Variants in DDAH1 observed in about 807,000 individuals in gnomAD.
DDAH1 encodes N(G),N(G)-dimethylarginine dimethylaminohydrolase 1.
DDAH1 carries 19 observed loss-of-function variants against 28.8 expected under a neutral mutation model. The ratio of observed to expected loss-of-function variants is 0.66; its 90% CI spans 0.46 to 0.97. The LOEUF (loss-of-function observed/expected upper bound fraction) is 0.97, where lower values mean the gene tolerates loss of function less well. Among genes scored for constraint, DDAH1 ranks in the 50% least tolerant of loss-of-function variants. The pLI, the probability that DDAH1 is intolerant of heterozygous loss-of-function variation, is 0.00. For missense variants in DDAH1, 326 were observed against 375.9 expected (o/e 0.87, Z 1.10); for synonymous variants, 153 against 154.4 (o/e 0.99, Z 0.07).
intron 2 of DDAH1, among the ~76,000 whole-genome samples, chr1:85,471,170 C>A (rs1397752121): frequency 1.3e-5 from 2 of 152,218 alleles, no homozygotes; most frequent in Non-Finnish European, 2.9e-5. Context: ...CCTGCTTTTT[C>A]ATGGTTGTAG....
At chr1:85,463,626 A>C (rs1655222102) in intron 1 of DDAH1, among the ~76,000 whole-genome samples, 1 of 152,268 alleles carries the variant, frequency 6.6e-6, no homozygotes. Flanking sequence ...TTATTTTCTC[A>C]GACCATGTGG....
intron 4 of DDAH1, among the ~76,000 whole-genome samples, chr1:85,328,023 A>C (rs1280468028): frequency 6.6e-6 from 1 of 152,222 alleles, no homozygotes; most frequent in Non-Finnish European, 1.5e-5. Context: ...TGGGTAAACA[A>C]TTGAATTCCC....
At chr1:85,565,103 G>A (rs1322686293) in intron 1 of DDAH1, among the ~76,000 whole-genome samples, 1 of 151,786 alleles carries the variant, frequency 6.6e-6, no homozygotes, top group Admixed American at 6.6e-5. Context: ...TCAGGAGGCT[G>A]AGACAGGAGA....
At chr1:85,503,518 C>CATCTATCT (rs61426289) in intron 1 of DDAH1, among the ~76,000 whole-genome samples, 7,575 of 144,020 alleles carry the variant, frequency 0.053, 218 homozygotes, top group East Asian at 0.069. Context: ...CTTTAAAGTT[C>CATCTATCT]ATCTATCTAT....
intron 1 of DDAH1, among the ~76,000 whole-genome samples, chr1:85,536,559 A>G (rs1658285105): frequency 6.6e-6 from 1 of 152,134 alleles, no homozygotes; most frequent in Non-Finnish European, 1.5e-5. Context: ...CTCAAAACAA[A>G]CAAACAAAGC....
intron 1 of DDAH1, among the ~76,000 whole-genome samples, chr1:85,544,340 T>A (rs551583069): frequency 4.7e-4 from 71 of 152,268 alleles, no homozygotes; most frequent in African/African-American, 1.7e-3. Flanking sequence ...CTTTCCAGGG[T>A]TTCCAAATTC....
intron 1 of DDAH1, among the ~76,000 whole-genome samples, chr1:85,397,402 A>G (rs1651862577): frequency 6.6e-6 from 1 of 152,240 alleles, no homozygotes; most frequent in Admixed American, 6.5e-5. Context: ...GAAACTATCA[A>G]CTAAGATCAA....
chr1:85,327,774 T>G (rs1009915670), intron 4 of DDAH1, among the ~76,000 whole-genome samples: 1 of 151,968 alleles, frequency 6.6e-6, no homozygotes, highest in African/African-American at 2.4e-5. Context: ...GAAGATTATT[T>G]AAAAAAAACC....
chr1:85,354,830 A>G (rs1649408788), intron 2 of DDAH1, among the ~76,000 whole-genome samples: 1 of 151,980 alleles, frequency 6.6e-6, no homozygotes, highest in Non-Finnish European at 1.5e-5. Context: ...AAAAGCTTAC[A>G]TTAGAGAAGA....
At chr1:85,447,111 GC>G (rs1223763540) in intron 1 of DDAH1, among the ~76,000 whole-genome samples, 1 of 152,200 alleles carries the variant, frequency 6.6e-6, no homozygotes, top group Admixed American at 6.5e-5. Flanking sequence ...GAGGAGGTCA[GC>G]TACACAGGAG....
intron 1 of DDAH1, among the ~76,000 whole-genome samples, chr1:85,443,098 G>A (rs1224802216): frequency 6.6e-6 from 1 of 152,138 alleles, no homozygotes; most frequent in African/African-American, 2.4e-5. Context: ...TGAAGTCCTT[G>A]CCTATGCCTA....
At position 85,465,132 on chromosome 1, in the gene DDAH1, T is replaced by G. The variant is rs1172779751; in HGVS notation, c.-87A>C. The G allele has an allele frequency of 2.6e-6, 3 of 1,169,240 alleles. No individual in the cohort carries two copies. The highest frequency in any genetic ancestry group is 3.2e-6 in the Non-Finnish European group (3 of 948,762). 72.4% of individuals were successfully genotyped at this position (1,169,240 alleles called of 1,614,324 possible). On this transcript the variant is annotated 5_prime_UTR_variant, in exon 1 of 6. Transcript: ENST00000284031. ...CGCGCGCTGAGCCTGCGAGCGCCCG[T>G]CGGCTCCTCTTGGCAGCCGCTGAAT... is the stretch of plus-strand genomic sequence containing the variant.
chr1:85,374,506 A>G (rs1650552115), intron 1 of DDAH1, among the ~76,000 whole-genome samples: 1 of 152,006 alleles, frequency 6.6e-6, no homozygotes, highest in Non-Finnish European at 1.5e-5. Context: ...TTTAAAGCCC[A>G]CTCTCCCTGG....
intron 1 of DDAH1, among the ~76,000 whole-genome samples, chr1:85,383,480 G>A (rs183883354): frequency 7.8e-4 from 119 of 152,336 alleles, no homozygotes; most frequent in East Asian, 3.5e-3. Flanking sequence ...TGAAGATGCT[G>A]TGAAACATTG....
At chr1:85,468,356 A>C (rs1315379362), upstream of DDAH1, among the ~76,000 whole-genome samples, 2 of 152,208 alleles carry the variant, frequency 1.3e-5, no homozygotes, top group Admixed American at 6.5e-5. Flanking sequence ...TCATGCTGTT[A>C]ATAAAGACAC....
rs560176683 is a variant in DDAH1 at position 85,457,028 on chromosome 1, A to G, written c.303+7715T>C. Among the ~76,000 whole-genome samples, 7 of 152,318 alleles carry G rather than the reference A, an allele frequency of 4.6e-5. No homozygotes were observed. The South Asian group carries it at 1.0e-3, about 23-fold the overall frequency. ...CAGACCATTATGGAGCATGTGGATA[A>G]GAGTAAGAGGGAAGTACACTTAGAA... is the stretch of plus-strand genomic sequence containing the variant. On this transcript the variant is annotated intron_variant, in intron 1 of 5. Transcript: ENST00000284031.
chr1:85,541,863 G>C (rs1162741044), intron 1 of DDAH1, among the ~76,000 whole-genome samples: 1 of 152,160 alleles, frequency 6.6e-6, no homozygotes, highest in African/African-American at 2.4e-5. Context: ...CTATGAACCA[G>C]GAAGCAGGGT....
rs185978544 is a variant in DDAH1, at chr1:85,342,115, G to A, written c.597+8300C>T. Among the ~76,000 whole-genome samples, 433 of 152,196 alleles carry A rather than the reference G, an allele frequency of 2.8e-3. 3 individuals carry two copies. The highest frequency in any genetic ancestry group is 3.6e-3 in the Non-Finnish European group (243 of 68,014). On this transcript the variant is annotated intron_variant, in intron 4 of 5. Transcript: ENST00000284031. ...AACTTTGTTTTTTCAAGAAGAGAAC[G>A]AGTATAGGAGATAGGGGTCACATAG...
intron 1 of DDAH1, among the ~76,000 whole-genome samples, chr1:85,363,906 C>CT (rs71819142): frequency 0.065 from 8,530 of 130,582 alleles, 574 homozygotes; most frequent in African/African-American, 0.17. Flanking sequence ...TGGATGTCAA[C>CT]TTTTTTTTTT....
Sources: allele counts gnomAD v4.1 joint callset (sites outside exome capture counted in the v4.1 genomes callset), GRCh38; gene constraint gnomAD v4.1.1; transcripts MANE v1.5; gene names NCBI Gene and HGNC (gene_info 2026-07-23, HGNC 2026-07-21).